The following NUP210L variants were observed in gnomAD, a reference collection of about 807,000 sequenced individuals.
NUP210L encodes nucleoporin 210 like.
NUP210L carries 74 observed loss-of-function variants against 208.5 expected under a neutral mutation model. That is an observed-to-expected ratio of 0.35 (90% CI 0.29 to 0.43). The LOEUF is 0.43. Ranked by LOEUF, NUP210L falls within the 20% of genes least tolerant of loss-of-function variation. The pLI is 1.00. For missense variants in NUP210L, 1,843 were observed against 2,289.4 expected (o/e 0.81, Z 3.98); for synonymous variants, 780 against 816.9 (o/e 0.95, Z 0.77).
intron 27 of NUP210L, among the ~76,000 whole-genome samples, chr1:154,032,733 C>T (rs1355810148): frequency 6.6e-6 from 1 of 151,896 alleles, no homozygotes; most frequent in Non-Finnish European, 1.5e-5. Flanking sequence ...GCCTGGCCAA[C>T]ATGGCAAAAT....
intron 4 of NUP210L, among the ~76,000 whole-genome samples, chr1:154,140,373 G>T (rs1050090583): frequency 4.7e-5 from 6 of 127,902 alleles, no homozygotes; most frequent in African/African-American, 1.8e-4. Flanking sequence ...AAAAGAAAAA[G>T]AAAAAGATAA....
Position 154,063,694 on chromosome 1 carries a change from T to C in NUP210L, c.2555-2020A>G, listed in dbSNP as rs2148001885. Among the ~76,000 whole-genome samples, 3 of 152,278 alleles carry C rather than the reference T, an allele frequency of 2.0e-5. No individual in the cohort carries two copies. The Middle Eastern group carries it at 0.01, about 518-fold the overall frequency. ...CAAATTCACAAAATGGGGATAATAA[T>C]ACCAATCTCTCATGGTGGTTAGAAG... On this transcript the variant is annotated intron_variant, in intron 17 of 39. Coordinates refer to ENST00000368559, the Ensembl canonical transcript of NUP210L.
chr1:154,123,580 T>C (rs1368064777), intron 10 of NUP210L, among the ~76,000 whole-genome samples: 1 of 152,150 alleles, frequency 6.6e-6, no homozygotes, highest in Non-Finnish European at 1.5e-5. Flanking sequence ...ATTAAAAGTT[T>C]AAAAAGTTAT....
chr1:154,012,260 A>G, exon 34 of NUP210L: 1 of 1,613,954 alleles, frequency 6.2e-7, no homozygotes, highest in Non-Finnish European at 8.5e-7. Context: ...GATTGACACC[A>G]TTTCTGCCAG....
At chr1:154,006,853 A>T (rs1198183021) in intron 35 of NUP210L, among the ~76,000 whole-genome samples, 5 of 132,508 alleles carry the variant, frequency 3.8e-5, no homozygotes, top group African/African-American at 5.7e-5. Flanking sequence ...TATATATATA[A>T]ATATATACAT....
At chr1:154,012,774 C>T (rs1373098858) in intron 33 of NUP210L, among the ~76,000 whole-genome samples, 1 of 151,128 alleles carries the variant, frequency 6.6e-6, no homozygotes, top group Non-Finnish European at 1.5e-5. Flanking sequence ...GAGGCCGAGG[C>T]GGGCGGCTCA....
intron 12 of NUP210L, among the ~76,000 whole-genome samples, chr1:154,111,038 C>A (rs1025214261): frequency 6.7e-6 from 1 of 150,254 alleles, no homozygotes; most frequent in Non-Finnish European, 1.5e-5. Context: ...AATCGACAAA[C>A]CTTTAGCCAG....
exon 22 of NUP210L, chr1:154,058,137 C>T: frequency 1.2e-6 from 2 of 1,614,110 alleles, no homozygotes; most frequent in Non-Finnish European, 1.7e-6. Context: ...TTCCATGTTT[C>T]TGAAGTATTT....
At chr1:154,051,378 TTTTTTA>T (rs1653490236) in intron 25 of NUP210L, among the ~76,000 whole-genome samples, 1 of 152,020 alleles carries the variant, frequency 6.6e-6, no homozygotes, top group African/African-American at 2.4e-5. Context: ...CCCAGCTAAT[TTTTTTA>T]TTTTTATTTT....
In NUP210L at chr1:153,992,951, A is replaced by G. The variant is rs1416627363; in HGVS notation, c.5567-16T>C. 1 of 1,609,540 alleles carries G rather than the reference A, an allele frequency of 6.2e-7. No homozygotes were observed. The highest frequency in any genetic ancestry group is 1.7e-5 in the Admixed American group (1 of 59,086). The stretch of plus-strand genomic sequence containing the variant: ...TTAAAAAAACCTAGAAGAAGAGGGA[A>G]AAGTTGAGTGAATTAAACGTGTGTA... On this transcript the variant is annotated splice_polypyrimidine_tract_variant and intron_variant, in intron 39 of 39. Transcript: ENST00000368559.
rs1653183085 is a variant in NUP210L, at chr1:154,046,388, A to T, written c.3484-19T>A. 2 of 1,606,952 alleles carry T rather than the reference A, an allele frequency of 1.2e-6. No homozygotes were observed. The highest frequency in any genetic ancestry group is 1.7e-6 in the Non-Finnish European group (2 of 1,173,980). On this transcript the variant is annotated intron_variant, in intron 25 of 39. Coordinates refer to ENST00000368559, the Ensembl canonical transcript of NUP210L. ...CTTCATCCTGCTCAACAGGGTGGAG[A>T]GCAAGCTTAGGCTAAGAGGGAGTTT...
chr1:154,104,489 G>C, intron 12 of NUP210L: 1 of 367,252 alleles, frequency 2.7e-6, no homozygotes, highest in South Asian at 2.7e-5. Context: ...TTCCCAGGCA[G>C]TGGCAGCAGC....
intron 27 of NUP210L, among the ~76,000 whole-genome samples, chr1:154,036,198 C>A (rs1331723747): frequency 1.3e-5 from 2 of 151,782 alleles, no homozygotes; most frequent in Admixed American, 6.6e-5. Flanking sequence ...TTCCAAAATT[C>A]CTCGTTACTA....
At chr1:154,066,614 A>C (rs185424583) in intron 17 of NUP210L, among the ~76,000 whole-genome samples, 100 of 152,332 alleles carry the variant, frequency 6.6e-4, no homozygotes, top group South Asian at 1.9e-3. Flanking sequence ...CCGTCTCAAA[A>C]AAACAAACAA....
chr1:154,062,698 C>T (rs1654207227), intron 17 of NUP210L, among the ~76,000 whole-genome samples: 1 of 150,870 alleles, frequency 6.6e-6, no homozygotes, highest in Admixed American at 6.7e-5. Flanking sequence ...AGCAGTCCTC[C>T]CACCTCAGCC....
At chr1:153,997,874 TA>T (rs987713263) in intron 37 of NUP210L, among the ~76,000 whole-genome samples, 4 of 151,472 alleles carry the variant, frequency 2.6e-5, no homozygotes, top group East Asian at 1.9e-4. Context: ...TATTTTTATT[TA>T]TTTTTTTTAT....
At chr1:154,084,476 T>G (rs1655520993) in intron 16 of NUP210L, among the ~76,000 whole-genome samples, 1 of 152,082 alleles carries the variant, frequency 6.6e-6, no homozygotes, top group African/African-American at 2.4e-5. Flanking sequence ...CCTCCCAAAG[T>G]GCTGGGATTA....
At chr1:154,134,057 G>A (rs1658388975) in intron 7 of NUP210L, among the ~76,000 whole-genome samples, 1 of 151,332 alleles carries the variant, frequency 6.6e-6, no homozygotes, top group African/African-American at 2.4e-5. Context: ...GGCCGAGGCA[G>A]GAGAATAACT....
chr1:154,121,978 G>T (rs1237979364), intron 10 of NUP210L, among the ~76,000 whole-genome samples: 2 of 151,670 alleles, frequency 1.3e-5, no homozygotes, highest in Admixed American at 1.3e-4. Context: ...CAGACAAATA[G>T]AGAAAAGTCA....
Sources: gnomAD v4.1 joint callset for allele counts (sites outside exome capture counted in the v4.1 genomes callset) on GRCh38, gnomAD v4.1.1 for gene constraint, MANE v1.5 for transcripts, NCBI Gene and HGNC (gene_info 2026-07-23, HGNC 2026-07-21) for gene names.